GLDC: variants seen among roughly 807,000 people sequenced by gnomAD.
GLDC encodes the protein glycine dehydrogenase (decarboxylating), mitochondrial.
Under a neutral mutation model 121.3 loss-of-function variants are expected in GLDC, and 104 were observed. That is an observed-to-expected ratio of 0.86 (90% CI 0.73 to 1.01). GLDC has a LOEUF of 1.01. GLDC is among the 50% of genes least tolerant of loss of function. The probability of loss-of-function intolerance (pLI) is 0.00; values close to 1 mark genes in which losing one functional copy is unlikely to be tolerated. For missense variants in GLDC, 1,429 were observed against 1,306.6 expected (o/e 1.09, Z -1.44); for synonymous variants, 546 against 480.6 (o/e 1.14, Z -1.78).
Position 6,534,704 on chromosome 9 carries a change from T to A in GLDC, c.2919+4A>T, listed in dbSNP as rs773908083. The A allele has an allele frequency of 6.5e-7, 1 of 1,537,110 alleles. No individual in the cohort carries two copies. Among genetic ancestry groups the A allele is most frequent in the Non-Finnish European group, 9.0e-7 (1 of 1,110,038 alleles). On this transcript the variant is annotated splice_donor_region_variant and intron_variant, in intron 24 of 24. Transcript: ENST00000321612. The stretch of plus-strand genomic sequence containing the variant: ...GCTGGCACATTCAGATTCAGAGAAC[T>A]TACGAGTGGGAATGCTGCCACCTCT...
chr9:6,617,454 G>A (rs1292418864), intron 3 of GLDC, among the ~76,000 whole-genome samples: 2 of 152,026 alleles, frequency 1.3e-5, no homozygotes, highest in East Asian at 1.9e-4. Context: ...GCCCGTTCAT[G>A]TACTTTTGAG....
intron 22 of GLDC, 129 bp from the exon 23 acceptor site, chr9:6,536,365 T>C: frequency 1.2e-6 from 1 of 826,836 alleles, no homozygotes. Flanking sequence ...AATGTATGTA[T>C]GTGGGGACTC....
rs776393477 is a variant in GLDC at position 6,534,804 on chromosome 9, G to A, written c.2839-16C>T. 1.2e-5 allele frequency: 17 copies of A among 1,433,930 alleles called. No individual in the cohort carries two copies. Among genetic ancestry groups the A allele is most frequent in the Admixed American group, 3.4e-5 (2 of 59,660 alleles). 88.8% of individuals were successfully genotyped at this position (1,433,930 alleles called of 1,614,324 possible). ...GTGGAGACATCTGAGACAGAGACAC[G>A]GACAGAGGAGGGGTCAGAGCAATAC... On this transcript the variant is annotated splice_polypyrimidine_tract_variant and intron_variant, in intron 23 of 24. Transcript: ENST00000321612.
chr9:6,599,636 G>C (rs529737356), intron 8 of GLDC, among the ~76,000 whole-genome samples: 1 of 151,156 alleles, frequency 6.6e-6, no homozygotes, highest in East Asian at 1.9e-4. Context: ...CAAGAGAATC[G>C]CTGGAAACTG....
chr9:6,607,704 C>T (rs555358608), intron 4 of GLDC, among the ~76,000 whole-genome samples: 2 of 152,004 alleles, frequency 1.3e-5, no homozygotes, highest in Non-Finnish European at 2.9e-5. Context: ...AGTGCAGTAG[C>T]GCCATCACAG....
intron 20 of GLDC, 44 bp downstream of exon 20, chr9:6,553,324 C>G: frequency 6.3e-7 from 1 of 1,592,970 alleles, no homozygotes; most frequent in Non-Finnish European, 8.6e-7. Context: ...GCATGCCTGA[C>G]GCCCCCACCC....
intron 3 of GLDC, among the ~76,000 whole-genome samples, chr9:6,617,876 T>A (rs1015843963): frequency 1.3e-5 from 2 of 152,250 alleles, no homozygotes; most frequent in African/African-American, 4.8e-5. Context: ...AAAGCTCCTG[T>A]TGGTACAACT....
At chr9:6,607,990 G>C (rs1160179787) in intron 4 of GLDC, among the ~76,000 whole-genome samples, 1 of 152,028 alleles carries the variant, frequency 6.6e-6, no homozygotes, top group Non-Finnish European at 1.5e-5. Context: ...GGGCATGGTG[G>C]CATGGGCCTA....
chr9:6,633,692 G>A (rs889080433), intron 2 of GLDC, among the ~76,000 whole-genome samples: 7 of 152,068 alleles, frequency 4.6e-5, no homozygotes, highest in Admixed American at 1.3e-4. Context: ...AGGCCAAGGA[G>A]GGTGGATCAC....
chr9:6,616,802 A>G (rs1818975056), intron 3 of GLDC, among the ~76,000 whole-genome samples: 2 of 152,226 alleles, frequency 1.3e-5, no homozygotes, highest in South Asian at 4.1e-4. Context: ...TATTTAACCC[A>G]AAATAATTAG....
At chr9:6,644,050 A>AAAAAAAC (rs55988287) in intron 2 of GLDC, among the ~76,000 whole-genome samples, 11,780 of 91,970 alleles carry the variant, frequency 0.13, 1,529 homozygotes, top group South Asian at 0.16. Context: ...AAAAAAAAAA[A>AAAAAAAC]CGAAAAAAAA....
At chr9:6,614,301 C>A (rs1191348460) in intron 3 of GLDC, among the ~76,000 whole-genome samples, 2 of 152,184 alleles carry the variant, frequency 1.3e-5, no homozygotes, top group African/African-American at 2.4e-5. Context: ...GTGGCCTGAT[C>A]TTGGCTCGCT....
At chr9:6,642,316 G>C (rs1819645689) in intron 2 of GLDC, among the ~76,000 whole-genome samples, 1 of 152,116 alleles carries the variant, frequency 6.6e-6, no homozygotes, top group Non-Finnish European at 1.5e-5. Flanking sequence ...GATCACCTGA[G>C]GTCAGGAGTT....
intron 18 of GLDC, 109 bp from the exon 19 acceptor site, chr9:6,554,890 G>A (rs969726878): frequency 1.0e-5 from 8 of 785,256 alleles, no homozygotes; most frequent in Admixed American, 4.0e-5. Context: ...GGAAAAGCAG[G>A]CAGAGCCACA....
intron 16 of GLDC, among the ~76,000 whole-genome samples, chr9:6,562,747 G>C (rs764814331): frequency 6.6e-6 from 1 of 152,100 alleles, no homozygotes; most frequent in Non-Finnish European, 1.5e-5. Context: ...TTTTAGTAGA[G>C]ACAGGGTTTT....
At chr9:6,634,232 G>GA (rs986231584) in intron 2 of GLDC, among the ~76,000 whole-genome samples, 1 of 151,628 alleles carries the variant, frequency 6.6e-6, no homozygotes, top group Non-Finnish European at 1.5e-5. Context: ...GTCTCAAAAA[G>GA]AAAAAAACAA....
chr9:6,597,429 G>A (rs1587954561), intron 8 of GLDC, among the ~76,000 whole-genome samples: 3 of 152,090 alleles, frequency 2.0e-5, no homozygotes, highest in South Asian at 4.2e-4. Flanking sequence ...TACTACACCT[G>A]ACTTTAGAAA....
rs542468957 is a variant in GLDC, at chr9:6,558,823, A to G, written c.1927-139T>C. The stretch of plus-strand genomic sequence containing the variant: ...TTAGGCTGAACACTAGTGCTTTAAA[A>G]TCTGCTACAATTTAATTATTTGTCA... On this transcript the variant is annotated intron_variant, in intron 16 of 24. Transcript: ENST00000321612. 3.7e-4 allele frequency: 337 copies of G among 902,316 alleles called. 2 individuals carry two copies. The highest frequency in any genetic ancestry group is 2.7e-3 in the Middle Eastern group (13 of 4,730). The allele number at this position is 902,316 out of a possible 1,614,324, so 55.9% of individuals were successfully genotyped here.
At chr9:6,639,108 G>A in intron 2 of GLDC, 1 of 718,622 alleles carries the variant, frequency 1.4e-6, no homozygotes, top group Non-Finnish European at 2.5e-6. Context: ...TGCCTATTGA[G>A]AATTAATGAC....
Sources: gnomAD v4.1 joint callset for allele counts (sites outside exome capture counted in the v4.1 genomes callset) on GRCh38, gnomAD v4.1.1 for gene constraint, MANE v1.5 for transcripts, NCBI Gene and HGNC (gene_info 2026-07-23, HGNC 2026-07-21) for gene names.